BIN3: variants seen among roughly 807,000 people sequenced by gnomAD.
BIN3 encodes the protein bridging integrator 3.
BIN3 carries 41 observed loss-of-function variants against 38.2 expected under a neutral mutation model. The ratio of observed to expected loss-of-function variants is 1.07; its 90% confidence interval spans 0.84 to 1.39. The LOEUF (loss-of-function observed/expected upper bound fraction) is 1.39. BIN3 is among the 40% of genes most tolerant of loss of function. The pLI, the probability that BIN3 is intolerant of heterozygous loss-of-function variation, is 0.00. For missense variants in BIN3, 361 were observed against 324.3 expected (o/e 1.11, Z -0.87); for synonymous variants, 145 against 122.6 (o/e 1.18, Z -1.21).
rs1801746812 is a variant in BIN3, at chr8:22,620,532, C to T, written c.*890G>A. ...CTAGGCTTGCCCGCGTGCCCTCCCA[C>T]CCAGCGCCTCTGCTGGACCACGGTG... is the stretch of plus-strand genomic sequence containing the variant. On this transcript the variant is annotated 3_prime_UTR_variant, in exon 9 of 9. Transcript: ENST00000276416. The T allele has an allele frequency of 6.6e-6, 1 of 152,138 alleles. No individual in the cohort carries two copies. Among genetic ancestry groups the T allele is most frequent in the Non-Finnish European group, 1.5e-5 (1 of 68,024 alleles). 9.4% of individuals were successfully genotyped at this position (152,138 alleles called of 1,614,324 possible).
At chr8:22,665,046 G>A (rs1005899580) in intron 1 of BIN3, among the ~76,000 whole-genome samples, 4 of 152,224 alleles carry the variant, frequency 2.6e-5, no homozygotes, top group Admixed American at 6.5e-5. Context: ...CATGGGGTTG[G>A]TGTGGAAGGG....
intron 8 of BIN3, among the ~76,000 whole-genome samples, chr8:22,622,339 G>A (rs894825448): frequency 6.6e-6 from 1 of 152,254 alleles, no homozygotes; most frequent in Admixed American, 6.5e-5. Flanking sequence ...AGGAGCTCTA[G>A]ACACTAAGGG....
chr8:22,658,750 T>C (rs1399228007), intron 1 of BIN3, among the ~76,000 whole-genome samples: 1 of 152,192 alleles, frequency 6.6e-6, no homozygotes, highest in Non-Finnish European at 1.5e-5. Context: ...ATCTTTCTGC[T>C]ATCTCTAGCT....
intron 1 of BIN3, among the ~76,000 whole-genome samples, chr8:22,651,673 A>G (rs1802896884): frequency 6.6e-6 from 1 of 152,192 alleles, no homozygotes; most frequent in Non-Finnish European, 1.5e-5. Context: ...GAAAGTCTGA[A>G]GCCACTCTGA....
intron 5 of BIN3, among the ~76,000 whole-genome samples, 162 bp downstream of exon 5, chr8:22,630,280 G>C (rs1049382611): frequency 6.6e-6 from 1 of 152,226 alleles, no homozygotes; most frequent in Non-Finnish European, 1.5e-5. Context: ...GAACAGTCTG[G>C]AAAGAGCCCT....
At chr8:22,655,131 C>T (rs910758272) in intron 1 of BIN3, among the ~76,000 whole-genome samples, 1 of 152,132 alleles carries the variant, frequency 6.6e-6, no homozygotes, top group African/African-American at 2.4e-5. Context: ...TTTGCTCATT[C>T]TAAAACTTTT....
chr8:22,661,145 A>G (rs1803223106), intron 1 of BIN3, among the ~76,000 whole-genome samples: 1 of 152,044 alleles, frequency 6.6e-6, no homozygotes, highest in African/African-American at 2.4e-5. Context: ...TTGGCCTCCC[A>G]AAGTGCTGGG....
intron 4 of BIN3, 39 bp from the exon 5 acceptor site, chr8:22,630,617 G>A (rs1357814442): frequency 5.6e-6 from 9 of 1,610,642 alleles, no homozygotes; most frequent in Non-Finnish European, 7.6e-6. Context: ...TCTATGAAGG[G>A]GCAGGTTTCA....
chr8:22,646,635 G>A (rs1018321934), intron 1 of BIN3, among the ~76,000 whole-genome samples: 4 of 152,150 alleles, frequency 2.6e-5, no homozygotes, highest in African/African-American at 4.8e-5. Flanking sequence ...TGGCTGATTC[G>A]CATCTTCTGT....
At position 22,669,026 on chromosome 8, in the gene BIN3, C is replaced by T. The variant is rs544180047; in HGVS notation, c.8+18G>A. 3.8e-6 allele frequency: 6 copies of T among 1,578,248 alleles called. No homozygotes were observed. The highest frequency in any genetic ancestry group is 1.7e-4 in the Middle Eastern group (1 of 6,046). ...GGTCCGCGGGTCCAGCAGCTCCCGC[C>T]GCCTGGGCCTCACTCACCAGCTCAT... On this transcript the variant is annotated intron_variant, in intron 1 of 8. Transcript: ENST00000276416.
chr8:22,636,218 C>T (rs562685212), intron 4 of BIN3, among the ~76,000 whole-genome samples: 46 of 152,336 alleles, frequency 3.0e-4, no homozygotes, highest in African/African-American at 9.4e-4. Context: ...CAGCCTGAGC[C>T]GGTGGCCAGG....
At chr8:22,668,256 T>C (rs929984981) in intron 1 of BIN3, among the ~76,000 whole-genome samples, 1 of 152,174 alleles carries the variant, frequency 6.6e-6, no homozygotes, top group Non-Finnish European at 1.5e-5. Context: ...GAGCAACAAA[T>C]GGGGATTGCC....
At chr8:22,646,106 A>G (rs1237777732) in intron 1 of BIN3, among the ~76,000 whole-genome samples, 1 of 152,200 alleles carries the variant, frequency 6.6e-6, no homozygotes, top group Non-Finnish European at 1.5e-5. Context: ...CCTGCTGCAT[A>G]AAACGAGTAG....
At chr8:22,629,661 G>A in intron 6 of BIN3, 1 of 501,818 alleles carries the variant, frequency 2.0e-6, no homozygotes, top group Non-Finnish European at 3.6e-6. Flanking sequence ...CCTGGCCCCA[G>A]TGGCTCTCAA....
intron 1 of BIN3, among the ~76,000 whole-genome samples, chr8:22,661,074 A>G (rs1445677935): frequency 6.6e-6 from 1 of 151,910 alleles, no homozygotes; most frequent in Admixed American, 6.6e-5. Flanking sequence ...TTTTGTAGAG[A>G]CAGTCTCACT....
At chr8:22,666,169 A>G (rs570348705) in intron 1 of BIN3, among the ~76,000 whole-genome samples, 1 of 152,142 alleles carries the variant, frequency 6.6e-6, no homozygotes, top group African/African-American at 2.4e-5. Flanking sequence ...ATCAAGGTGT[A>G]TGGTTCAACA....
chr8:22,655,133 A>T (rs576504350), intron 1 of BIN3, among the ~76,000 whole-genome samples: 24 of 152,182 alleles, frequency 1.6e-4, no homozygotes, highest in Non-Finnish European at 2.6e-4. Context: ...TGCTCATTCT[A>T]AAACTTTTAT....
At position 22,629,167 on chromosome 8, in the gene BIN3, G is replaced by A. The variant is rs142398445; in HGVS notation, c.338+797C>T. 1.2e-4 allele frequency among the ~76,000 whole-genome samples: 19 copies of A among 152,322 alleles called. No individual in the cohort carries two copies. In the East Asian group the frequency reaches 2.3e-3, roughly 19 times the overall value. ...ATCAAAAACTGCTCCTCTCATTGCC[G>A]TGTGGGCCCTGGGCCAGGCCAGTGA... On this transcript the variant is annotated intron_variant, in intron 6 of 8. Transcript: ENST00000276416.
chr8:22,646,846 C>T (rs1802727469), intron 1 of BIN3, among the ~76,000 whole-genome samples: 1 of 152,150 alleles, frequency 6.6e-6, no homozygotes, highest in African/African-American at 2.4e-5. Context: ...GGTTTTTGGA[C>T]AGTGAGCAAT....
Sources: allele counts gnomAD v4.1 joint callset (sites outside exome capture counted in the v4.1 genomes callset), GRCh38; gene constraint gnomAD v4.1.1; transcripts MANE v1.5; gene names NCBI Gene and HGNC (gene_info 2026-07-23, HGNC 2026-07-21).